LARS2: variants seen among roughly 807,000 people sequenced by gnomAD.
The protein encoded by LARS2 is leucyl-tRNA synthetase 2, mitochondrial, also known as leucine--tRNA ligase, mitochondrial.
In LARS2, 81 loss-of-function variants were observed where a neutral mutation model predicts 116.6. The observed-to-expected ratio is 0.69, with a 90% CI of 0.58 to 0.84. The LOEUF is 0.84. Among genes scored for constraint, LARS2 ranks in the 40% least tolerant of loss-of-function variants. The probability of loss-of-function intolerance (pLI) is 0.00; values close to 1 mark genes in which losing one functional copy is unlikely to be tolerated. For missense variants in LARS2, 968 were observed against 1,114.5 expected (o/e 0.87, Z 1.87); for synonymous variants, 396 against 407.2 (o/e 0.97, Z 0.33).
chr3:45,509,916 C>T (rs1700261562), intron 15 of LARS2, among the ~76,000 whole-genome samples: 2 of 151,922 alleles, frequency 1.3e-5, no homozygotes, highest in Admixed American at 6.6e-5. Flanking sequence ...GATGGTGGCA[C>T]TAGCTGGAAA....
At chr3:45,393,195 CAT>C (rs561976818) in intron 2 of LARS2, among the ~76,000 whole-genome samples, 7 of 152,206 alleles carry the variant, frequency 4.6e-5, no homozygotes, top group Non-Finnish European at 8.8e-5. Context: ...ACCGTGACCA[CAT>C]GTTATATATT....
At chr3:45,441,277 G>A (rs1233222696) in intron 6 of LARS2, among the ~76,000 whole-genome samples, 1 of 152,122 alleles carries the variant, frequency 6.6e-6, no homozygotes, top group Non-Finnish European at 1.5e-5. Context: ...TGACTGCCTT[G>A]GCCTCCCAAA....
At chr3:45,530,529 C>A (rs938846643) in intron 20 of LARS2, among the ~76,000 whole-genome samples, 33 of 152,084 alleles carry the variant, frequency 2.2e-4, no homozygotes, top group Non-Finnish European at 3.8e-4. Context: ...AAAAAAAAAA[C>A]TGCATTAATT....
At position 45,459,516 on chromosome 3, in the gene LARS2, G is replaced by A. The variant is rs371453808; in HGVS notation, c.750+630G>A. ...GTTTTCTCATCAATACAATGAGCAG[G>A]TTGGACCAAGCAGTCTTTAAGGTGC... On this transcript the variant is annotated intron_variant, in intron 8 of 21. Coordinates refer to ENST00000645846, the MANE Select transcript of LARS2 (RefSeq NM_015340.4). Among the ~76,000 whole-genome samples the A allele has an allele frequency of 2.0e-5, 3 of 152,334 alleles. No homozygotes were observed. In the Middle Eastern group the frequency reaches 0.01, roughly 518 times the overall value.
At chr3:45,430,988 T>C (rs1289885690) in intron 6 of LARS2, among the ~76,000 whole-genome samples, 1 of 152,176 alleles carries the variant, frequency 6.6e-6, no homozygotes, top group Non-Finnish European at 1.5e-5. Flanking sequence ...AGTAAAGCCC[T>C]TGGGAGATAA....
intron 6 of LARS2, among the ~76,000 whole-genome samples, chr3:45,435,428 C>T (rs926741253): frequency 2.0e-5 from 3 of 152,208 alleles, no homozygotes; most frequent in Non-Finnish European, 4.4e-5. Flanking sequence ...CTAGGCTCTT[C>T]GCTAAGCCTT....
At chr3:45,419,825 G>A in intron 6 of LARS2, 96 bp downstream of exon 6, 3 of 973,066 alleles carry the variant, frequency 3.1e-6, no homozygotes, top group Non-Finnish European at 5.0e-6. Flanking sequence ...AGAAGGCAAG[G>A]GTGGGAGGCA....
intron 4 of LARS2, among the ~76,000 whole-genome samples, chr3:45,401,855 A>G (rs539534566): frequency 4.6e-5 from 7 of 152,270 alleles, no homozygotes; most frequent in Non-Finnish European, 7.3e-5. Flanking sequence ...GGCTCAAGCA[A>G]TCCACCCACC....
chr3:45,464,633 C>T (rs778939787), intron 8 of LARS2, among the ~76,000 whole-genome samples: 1 of 152,184 alleles, frequency 6.6e-6, no homozygotes. Context: ...CTACTCTGCC[C>T]TCTGACCTCA....
intron 6 of LARS2, among the ~76,000 whole-genome samples, chr3:45,422,900 T>G (rs1371632328): frequency 2.0e-5 from 3 of 152,194 alleles, no homozygotes; most frequent in African/African-American, 7.2e-5. Flanking sequence ...TTGGGGCAAT[T>G]TGGAGTCTTT....
chr3:45,501,004 A>C (rs551554755), intron 15 of LARS2, among the ~76,000 whole-genome samples: 52 of 151,696 alleles, frequency 3.4e-4, no homozygotes, highest in Non-Finnish European at 6.9e-4. Flanking sequence ...AGAGAATCAC[A>C]TTGTAAAAAC....
intron 20 of LARS2, among the ~76,000 whole-genome samples, chr3:45,531,513 G>A (rs1425994568): frequency 6.6e-6 from 1 of 151,922 alleles, no homozygotes; most frequent in African/African-American, 2.4e-5. Context: ...AAGTAGCTGG[G>A]ACTGTAAGCA....
At chr3:45,495,584 T>G (rs561624667) in intron 13 of LARS2, 2 of 152,354 alleles carry the variant, frequency 1.3e-5, no homozygotes, top group African/African-American at 2.4e-5. Flanking sequence ...TTTGTCTTCA[T>G]GCATTGATTG....
At position 45,419,647 on chromosome 3, in the gene LARS2, C is replaced by G. The variant is rs543635383; in HGVS notation, c.456-22C>G. The stretch of plus-strand genomic sequence containing the variant: ...TTTAATCCCCTCTCTAAAAACCAAA[C>G]CTTTTTCCCATTGTTTCACAGTAAT... On this transcript the variant is annotated intron_variant, in intron 5 of 21. Transcript: ENST00000645846. The G allele has an allele frequency of 1.4e-5, 23 of 1,606,522 alleles. No individual in the cohort carries two copies. In the East Asian group the frequency reaches 4.9e-4, roughly 34 times the overall value.
intron 6 of LARS2, among the ~76,000 whole-genome samples, chr3:45,435,771 T>G (rs1698787232): frequency 6.6e-6 from 1 of 152,210 alleles, no homozygotes; most frequent in South Asian, 2.1e-4. Flanking sequence ...TGTCATTCCT[T>G]AGGTACTCAT....
chr3:45,504,752 T>TTTTTG (rs1454550075), intron 15 of LARS2, among the ~76,000 whole-genome samples: 1 of 151,952 alleles, frequency 6.6e-6, no homozygotes, highest in African/African-American at 2.4e-5. Flanking sequence ...TTTAGTGTTT[T>TTTTTG]TTTTGTTTTG....
chr3:45,500,372 A>G (rs1295610835), intron 14 of LARS2, 70 bp from the exon 15 acceptor site: 6 of 1,428,796 alleles, frequency 4.2e-6, no homozygotes, highest in Admixed American at 2.0e-5. Context: ...GCATATTACA[A>G]TAGGCCTGTT....
At chr3:45,520,132 C>CTTTTTT in intron 18 of LARS2, 87 bp from the exon 19 acceptor site, 1 of 874,680 alleles carries the variant, frequency 1.1e-6, no homozygotes, top group Non-Finnish European at 1.9e-6. Context: ...ATTCATTTTC[C>CTTTTTT]TTTTTTTTTG....
At position 45,394,502 on chromosome 3, in the gene LARS2, A is replaced by G; in HGVS notation, c.49A>G (p.Arg17Gly). ...RLGFYASLLK[R>G]QLNGGPDVIK... ...GGGTTTTTATGCCTCTCTTCTGAAA[A>G]GACAGCTAAATGGTGGGCCAGATGT... Residue 17 changes from arginine (R) to glycine (G), a missense_variant, in exon 3 of 22, where the codon AGA becomes GGA. Arg to Gly is a moderately radical substitution (Grantham distance 125, BLOSUM62 -2). Coordinates refer to ENST00000645846, the MANE Select transcript of LARS2 (RefSeq NM_015340.4). The G allele has an allele frequency of 6.2e-7, 1 of 1,614,168 alleles. No homozygotes were observed. Among genetic ancestry groups the G allele is most frequent in the Non-Finnish European group, 8.5e-7 (1 of 1,180,030 alleles).
Sources: allele counts gnomAD v4.1 joint callset (sites outside exome capture counted in the v4.1 genomes callset), GRCh38; gene constraint gnomAD v4.1.1; transcripts MANE v1.5; gene names NCBI Gene and HGNC (gene_info 2026-07-23, HGNC 2026-07-21).